The following PHKA2 variants were observed in gnomAD, a reference collection of about 807,000 sequenced individuals.
PHKA2 encodes the protein phosphorylase b kinase regulatory subunit alpha, liver isoform.
A neutral mutation model predicts 102.0 loss-of-function variants in PHKA2; 31 were observed. The ratio of observed to expected loss-of-function variants is 0.30; its 90% CI spans 0.23 to 0.41. The LOEUF (loss-of-function observed/expected upper bound fraction) is 0.41, where lower values mean the gene tolerates loss of function less well. Ranked by LOEUF, PHKA2 falls within the 10% of genes least tolerant of loss-of-function variation. The pLI is 1.00. For missense variants in PHKA2, 858 were observed against 1,023.1 expected (o/e 0.84, Z 2.20); for synonymous variants, 455 against 416.2 (o/e 1.09, Z -1.13).
chrX:18,904,025 G>A (rs1285544346), intron 26 of PHKA2, among the ~76,000 whole-genome samples: 6 of 112,071 alleles, frequency 5.4e-5, no homozygotes, highest in South Asian at 3.7e-4. Flanking sequence ...TCACCTCCTC[G>A]GGCAGCATCC....
chrX:18,910,625 T>C (rs765929282), intron 20 of PHKA2, among the ~76,000 whole-genome samples: 1 of 112,221 alleles, frequency 8.9e-6, no homozygotes, highest in South Asian at 3.7e-4. Context: ...GGCAGCAAGG[T>C]AGTAGCTTTT....
chrX:18,914,916 A>C (rs2047994036), intron 19 of PHKA2, among the ~76,000 whole-genome samples: 1 of 111,776 alleles, frequency 8.9e-6, no homozygotes, highest in Non-Finnish European at 1.9e-5. Context: ...CATTTGAAGG[A>C]GGACGCTCAT....
chrX:18,894,384 C>T lies in PHKA2; in HGVS notation c.3357G>A (p.Lys1119=), dbSNP rs754540088. The change falls in exon 32 of 33, where the codon AAG becomes AAA. Residue 1119 remains lysine, a synonymous_variant. Transcript: ENST00000379942. Reference sequence around the variant, plus strand: ...GCACCGATTCGACATGGACAGCAAACTTGATCTCATGCGGGGTCATCTACC... The same window carrying T: ...GCACCGATTCGACATGGACAGCAAATTTGATCTCATGCGGGGTCATCTACC... ...TTREMTPHEI[K]FAVHVESVLN... is the part of the protein sequence containing the mutation. 1.3e-5 allele frequency: 16 copies of T among 1,211,466 alleles called. No individual in the cohort carries two copies. The South Asian group carries it at 2.6e-4, about 20-fold the overall frequency.
In PHKA2 at chrX:18,924,503, T is replaced by C. The variant is rs1309834951; in HGVS notation, c.1592A>G (p.Tyr531Cys). 3.3e-6 allele frequency: 4 copies of C among 1,210,818 alleles called. No individual in the cohort carries two copies. The highest frequency in any genetic ancestry group is 1.7e-5 in the African/African-American group (1 of 57,648). Residue 531 changes from tyrosine to cysteine, a missense_variant, in exon 16 of 33, where the codon TAC (tyrosine) becomes TGC (cysteine). Tyr to Cys is a radical substitution (Grantham distance 194, BLOSUM62 -2). Coordinates refer to ENST00000379942, the MANE Select transcript of PHKA2 (RefSeq NM_000292.3). ...TPQFTDQHHF[Y>C]LALDNEMIVE... ...GATCATCTCATTGTCGAGGGCCAGG[T>C]AGAAGTGATGCTGGTCGGTGAACTG...
chrX:18,979,922 C>T (rs1049899772), intron 1 of PHKA2, among the ~76,000 whole-genome samples: 9 of 111,532 alleles, frequency 8.1e-5, no homozygotes, highest in African/African-American at 2.9e-4. Flanking sequence ...CAGACTGTTA[C>T]CTGTGTCTAT....
chrX:18,943,588 A>C (rs915227918), intron 7 of PHKA2, 122 bp downstream of exon 7: 1 of 598,785 alleles, frequency 1.7e-6, no homozygotes, highest in Non-Finnish European at 3.0e-6. Flanking sequence ...ATGGGTGAGA[A>C]AACTGAAGCT....
intron 15 of PHKA2, among the ~76,000 whole-genome samples, chrX:18,924,991 C>T (rs1196580608): frequency 7.1e-5 from 8 of 111,948 alleles, no homozygotes; most frequent in Admixed American, 4.7e-4. Flanking sequence ...TCAAACTGTT[C>T]TCTTGGCCTC....
intron 1 of PHKA2, among the ~76,000 whole-genome samples, chrX:18,960,580 T>C (rs906501563): frequency 8.9e-6 from 1 of 111,910 alleles, no homozygotes; most frequent in Non-Finnish European, 1.9e-5. Context: ...GAACTCACTA[T>C]TGCAAGGATG....
At chrX:18,939,590 T>C (rs750432863) in intron 9 of PHKA2, among the ~76,000 whole-genome samples, 16 of 111,980 alleles carry the variant, frequency 1.4e-4, no homozygotes, top group Non-Finnish European at 2.6e-4. Flanking sequence ...GCCTCCCGGG[T>C]TCACGCCTTT....
At chrX:18,966,089 TTTG>T (rs1242606847) in intron 1 of PHKA2, among the ~76,000 whole-genome samples, 56 of 103,692 alleles carry the variant, frequency 5.4e-4, no homozygotes, top group African/African-American at 1.9e-3. Flanking sequence ...TTGTTTTTTT[TTTG>T]TTTTTTTTTT....
At chrX:18,899,945 G>A (rs1216611593) in intron 28 of PHKA2, among the ~76,000 whole-genome samples, 1 of 112,054 alleles carries the variant, frequency 8.9e-6, no homozygotes, top group East Asian at 2.8e-4. Context: ...CGCAAGAACA[G>A]CATGAAATAG....
At chrX:18,927,185 C>T (rs1326600009) in intron 13 of PHKA2, among the ~76,000 whole-genome samples, 5 of 111,907 alleles carry the variant, frequency 4.5e-5, no homozygotes, top group Admixed American at 9.4e-5. Context: ...GAAAAAGCAC[C>T]CCAGGGCTGG....
intron 10 of PHKA2, among the ~76,000 whole-genome samples, chrX:18,937,736 T>C (rs12008830): frequency 0.011 from 1,227 of 111,823 alleles, 18 homozygotes; most frequent in African/African-American, 0.037. Context: ...GATCAGATCA[T>C]ATGGAACCCC....
Position 18,965,338 on chromosome X carries a change from T to C in PHKA2, c.79-10926A>G, listed in dbSNP as rs191014267. Among the ~76,000 whole-genome samples the C allele has an allele frequency of 4.1e-4, 46 of 112,049 alleles. No homozygotes were observed. The East Asian group carries it at 0.013, about 31-fold the overall frequency. The stretch of plus-strand genomic sequence containing the variant: ...CTCAGGGGGGCTGTCAGTTCCCTCT[T>C]GCCGATACCTGAAATATTAAGTACT... On this transcript the variant is annotated intron_variant, in intron 1 of 32. Coordinates refer to ENST00000379942, the MANE Select transcript of PHKA2 (RefSeq NM_000292.3).
rs186990245 is a variant in PHKA2, at chrX:18,897,072, C to T, written c.3282+91G>A. The T allele has an allele frequency of 9.9e-4, 1,005 of 1,014,486 alleles. 16 individuals are homozygous for T. The East Asian group carries it at 0.028, about 29-fold the overall frequency. The allele number at this position is 1,014,486 out of a possible 1,213,427, so 83.6% of individuals were successfully genotyped here. A position where few individuals can be genotyped will look rare whatever the true frequency, so the allele number is the denominator to read the frequency against. On this transcript the variant is annotated intron_variant, in intron 30 of 32. Transcript: ENST00000379942. ...TGAGGCAGAGAAGCCATCCTCAGGG[C>T]TGTGTGTTTGCTCGCCTGGAGGTGC...
rs769634401 is a variant in PHKA2, at chrX:18,905,733, A to C, written c.2908+25T>G. On this transcript the variant is annotated intron_variant, in intron 26 of 32. Transcript: ENST00000379942. ...ATGTAAAGGAGGCAGCTCCCTGAAG[A>C]CGTTAACAGGAGCATGGAACTTACC... 17 of 1,010,069 alleles carry C rather than the reference A, an allele frequency of 1.7e-5. No homozygotes were observed. The East Asian group carries it at 4.3e-4, about 25-fold the overall frequency. The allele number at this position is 1,010,069 out of a possible 1,213,427, so 83.2% of individuals were successfully genotyped here.
intron 5 of PHKA2, among the ~76,000 whole-genome samples, chrX:18,947,898 G>T (rs1298935572): frequency 8.9e-6 from 1 of 112,124 alleles, no homozygotes; most frequent in Non-Finnish European, 1.9e-5. Context: ...AGTAACTCAG[G>T]AATGGAAAAC....
intron 10 of PHKA2, among the ~76,000 whole-genome samples, 153 bp downstream of exon 10, chrX:18,938,474 G>A (rs1056177456): frequency 8.8e-6 from 1 of 113,361 alleles, no homozygotes; most frequent in African/African-American, 3.2e-5. Flanking sequence ...AATAGGTGTT[G>A]CTTTAATTCA....
chrX:18,905,482 T>C (rs1343830272), intron 26 of PHKA2, among the ~76,000 whole-genome samples: 1 of 111,042 alleles, frequency 9.0e-6, no homozygotes, highest in Non-Finnish European at 1.9e-5. Context: ...GCCAACACTT[T>C]TGCGTAAGTG....
Sources: allele counts gnomAD v4.1 joint callset (sites outside exome capture counted in the v4.1 genomes callset), GRCh38; gene constraint gnomAD v4.1.1; transcripts MANE v1.5; gene names NCBI Gene and HGNC (gene_info 2026-07-23, HGNC 2026-07-21).